CADM1: variants seen among roughly 807,000 people sequenced by gnomAD.
The protein encoded by CADM1 is TSLC-1.
CADM1 carries 15 observed loss-of-function variants against 53.1 expected under a neutral mutation model. The ratio of observed to expected loss-of-function variants is 0.28; its 90% CI spans 0.19 to 0.44. The LOEUF is 0.44. CADM1 is among the 20% of genes least tolerant of loss of function. The pLI is 1.00. For missense variants in CADM1, 434 were observed against 611.3 expected (o/e 0.71, Z 3.06); for synonymous variants, 281 against 243.0 (o/e 1.16, Z -1.45).
intron 2 of CADM1, 115 bp downstream of exon 2, chr11:115,240,159 C>T (rs1013832629): frequency 2.1e-6 from 2 of 953,414 alleles, no homozygotes; most frequent in Non-Finnish European, 3.2e-6. Flanking sequence ...AAAGAACTGA[C>T]TAAACTTTAA....
At chr11:115,211,746 C>T (rs1940976638) in intron 7 of CADM1, among the ~76,000 whole-genome samples, 1 of 151,972 alleles carries the variant, frequency 6.6e-6, no homozygotes, top group Non-Finnish European at 1.5e-5. Context: ...ACCTCGGCCT[C>T]CCAAAGTGCT....
Position 115,419,311 on chromosome 11 carries a change from G to A in CADM1, c.124+84960C>T, listed in dbSNP as rs571141773. 6.6e-5 allele frequency among the ~76,000 whole-genome samples: 10 copies of A among 152,232 alleles called. No homozygotes were observed. In the East Asian group the frequency reaches 1.9e-3, roughly 29 times the overall value. ...CTCTCCACATTCCCTTCTCACAACA[G>A]TGTTCAATCCATCATACTCTGAAGT... On this transcript the variant is annotated intron_variant, in intron 1 of 11. Coordinates refer to ENST00000331581, the MANE Select transcript of CADM1 (RefSeq NM_001301043.2).
chr11:115,346,435 G>A (rs1354319263), intron 1 of CADM1, among the ~76,000 whole-genome samples: 2 of 152,114 alleles, frequency 1.3e-5, no homozygotes, highest in African/African-American at 4.8e-5. Context: ...GTCTTGCTAT[G>A]TTCCCCGGGC....
chr11:115,369,026 T>TAACAAAAAAAAAA (rs1946244252), intron 1 of CADM1, among the ~76,000 whole-genome samples: 1 of 44,748 alleles, frequency 2.2e-5, no homozygotes, highest in Admixed American at 3.2e-4. Flanking sequence ...AAAAAAAATC[T>TAACAAAAAAAAAA]AAAAAAAAAA....
chr11:115,458,493 A>AATTATTATT lies in CADM1; in HGVS notation c.124+45769_124+45777dup, dbSNP rs67114126. Among the ~76,000 whole-genome samples, 352 of 143,628 alleles carry AATTATTATT rather than the reference A, an allele frequency of 2.5e-3. 1 individual carries two copies. Among genetic ancestry groups the AATTATTATT allele is most frequent in the East Asian group, 4.1e-3 (20 of 4,880 alleles). The allele number at this position is 143,628 out of a possible 152,430, so 94.2% of individuals were successfully genotyped here. ...GTAGGTATTCCTAAATGTTAGCTGTAATTATTATTATTATTATTATTATTA... is the reference window on the plus strand; with the variant it reads ...GTAGGTATTCCTAAATGTTAGCTGTAATTATTATTATTATTATTATTATTATTATTATTA... On this transcript the variant is annotated intron_variant, in intron 1 of 11. Coordinates refer to ENST00000331581, the MANE Select transcript of CADM1 (RefSeq NM_001301043.2).
chr11:115,269,197 C>A (rs528693779), intron 1 of CADM1, among the ~76,000 whole-genome samples: 1 of 152,280 alleles, frequency 6.6e-6, no homozygotes, highest in East Asian at 1.9e-4. Context: ...CAGTGGCCCA[C>A]ACTTGCTCTT....
At chr11:115,320,687 G>GAA (rs936572921) in intron 1 of CADM1, among the ~76,000 whole-genome samples, 2 of 142,578 alleles carry the variant, frequency 1.4e-5, no homozygotes, top group Non-Finnish European at 3.1e-5. Flanking sequence ...TGGGAATCCA[G>GAA]AAAAAAAAAA....
chr11:115,231,330 G>T (rs1384170794), intron 4 of CADM1, 23 bp downstream of exon 4: 2 of 1,613,656 alleles, frequency 1.2e-6, no homozygotes, highest in Non-Finnish European at 8.5e-7. Flanking sequence ...AACTACTTCA[G>T]TGTGTGGCAA....
At chr11:115,503,181 C>A (rs868112897) in intron 1 of CADM1, among the ~76,000 whole-genome samples, 2 of 152,190 alleles carry the variant, frequency 1.3e-5, no homozygotes, top group Admixed American at 1.3e-4. Flanking sequence ...CCGGCCTCTC[C>A]GCTGAGGAAG....
At chr11:115,277,718 G>C (rs1943482014) in intron 1 of CADM1, among the ~76,000 whole-genome samples, 1 of 152,128 alleles carries the variant, frequency 6.6e-6, no homozygotes. Flanking sequence ...GTCATCAAAT[G>C]ACACTGACTA....
At chr11:115,236,205 G>C (rs747524896) in intron 3 of CADM1, among the ~76,000 whole-genome samples, 1 of 152,158 alleles carries the variant, frequency 6.6e-6, no homozygotes, top group African/African-American at 2.4e-5. Flanking sequence ...CCTTTTCAGA[G>C]AACTGAAGAT....
In CADM1 at chr11:115,261,784, ATT is replaced by A. The variant is rs113933840; in HGVS notation, c.125-21366_125-21365del. 6.1e-3 allele frequency among the ~76,000 whole-genome samples: 875 copies of A among 143,568 alleles called. 5 individuals carry two copies. The highest frequency in any genetic ancestry group is 0.019 in the African/African-American group (758 of 39,352). The allele number at this position is 143,568 out of a possible 152,430, so 94.2% of individuals were successfully genotyped here. ...CAAAAATTTCATGCACTCCAATAAGATTTTTTTTTTTTTTTGACAGAGTCTCA... is the reference window on the plus strand; with the variant it reads ...CAAAAATTTCATGCACTCCAATAAGATTTTTTTTTTTTTGACAGAGTCTCA... On this transcript the variant is annotated intron_variant, in intron 1 of 11. Transcript: ENST00000331581.
chr11:115,227,496 T>C (rs1431911196), intron 5 of CADM1, among the ~76,000 whole-genome samples: 1 of 152,186 alleles, frequency 6.6e-6, no homozygotes, highest in South Asian at 2.1e-4. Flanking sequence ...GCTAATGTAT[T>C]ATTAAAGCTA....
intron 1 of CADM1, among the ~76,000 whole-genome samples, chr11:115,378,526 A>G (rs1333462154): frequency 6.6e-6 from 1 of 152,154 alleles, no homozygotes; most frequent in Non-Finnish European, 1.5e-5. Context: ...AAATATATAA[A>G]TAAGAAAACT....
intron 1 of CADM1, among the ~76,000 whole-genome samples, chr11:115,381,686 G>A (rs1312156610): frequency 6.6e-6 from 1 of 152,094 alleles, no homozygotes; most frequent in Non-Finnish European, 1.5e-5. Context: ...AACAATACCT[G>A]ACACACGAAG....
intron 1 of CADM1, among the ~76,000 whole-genome samples, chr11:115,484,512 C>T (rs1949327562): frequency 6.6e-6 from 1 of 152,194 alleles, no homozygotes. Context: ...TATTAAGTTT[C>T]TCTGTATCCA....
intron 1 of CADM1, among the ~76,000 whole-genome samples, chr11:115,431,818 G>A (rs1364521223): frequency 2.6e-5 from 4 of 151,864 alleles, no homozygotes; most frequent in African/African-American, 9.7e-5. Context: ...AATGCTTTTG[G>A]TGCATGATTT....
At chr11:115,373,317 G>C (rs1946354436) in intron 1 of CADM1, among the ~76,000 whole-genome samples, 1 of 152,098 alleles carries the variant, frequency 6.6e-6, no homozygotes, top group Admixed American at 6.5e-5. Context: ...AGGCGCACTG[G>C]CTCATGCCTG....
At chr11:115,499,589 C>T (rs542896503) in intron 1 of CADM1, among the ~76,000 whole-genome samples, 1 of 152,264 alleles carries the variant, frequency 6.6e-6, no homozygotes, top group African/African-American at 2.4e-5. Flanking sequence ...ATATCTCTGA[C>T]CAGGCATCCT....
Sources: gnomAD v4.1 joint callset for allele counts (sites outside exome capture counted in the v4.1 genomes callset) on GRCh38, gnomAD v4.1.1 for gene constraint, MANE v1.5 for transcripts, NCBI Gene and HGNC (gene_info 2026-07-23, HGNC 2026-07-21) for gene names.